EFCAB6: variants seen among roughly 807,000 people sequenced by gnomAD.
EFCAB6 encodes EF-hand calcium binding domain 6.
Under a neutral mutation model 169.8 loss-of-function variants are expected in EFCAB6, and 156 were observed. That is an observed-to-expected ratio of 0.92 (90% CI 0.81 to 1.05). The LOEUF (loss-of-function observed/expected upper bound fraction) is 1.05, where lower values mean the gene tolerates loss of function less well. Ranked by LOEUF, EFCAB6 falls within the 50% of genes least tolerant of loss-of-function variation. The pLI is 0.00. For missense variants in EFCAB6, 1,800 were observed against 1,829.1 expected, an observed-to-expected ratio of 0.98 and a Z score of 0.29; for synonymous variants, 698 against 676.4, an observed-to-expected ratio of 1.03 and a Z score of -0.50.
At chr22:43,682,112 T>C (rs915012519) in intron 12 of EFCAB6, among the ~76,000 whole-genome samples, 1 of 152,092 alleles carries the variant, frequency 6.6e-6, no homozygotes, top group Non-Finnish European at 1.5e-5. Context: ...TTATTCTCCT[T>C]CTTACCTAGT....
chr22:43,568,150 A>G (rs1047635750), intron 26 of EFCAB6, among the ~76,000 whole-genome samples: 3 of 152,198 alleles, frequency 2.0e-5, no homozygotes, highest in Admixed American at 2.0e-4. Context: ...CACAAGCCTG[A>G]ACCCCAGGGC....
intron 8 of EFCAB6, among the ~76,000 whole-genome samples, chr22:43,727,990 C>T (rs6006536): frequency 0.38 from 57,541 of 151,702 alleles, 11,734 homozygotes; most frequent in African/African-American, 0.51. Context: ...TGGTTTGCTG[C>T]ACCCATCAAC....
chr22:43,651,627 G>T (rs1322366914), intron 17 of EFCAB6, among the ~76,000 whole-genome samples: 1 of 152,202 alleles, frequency 6.6e-6, no homozygotes, highest in Non-Finnish European at 1.5e-5. Flanking sequence ...TCCACTGAAA[G>T]CTTGGACCAT....
chr22:43,534,783 C>A lies in EFCAB6; in HGVS notation c.4138G>T (p.Ala1380Ser), dbSNP rs1244881121. The A allele has an allele frequency of 1.2e-6, 2 of 1,614,050 alleles. No homozygotes were observed. The highest frequency in any genetic ancestry group is 1.7e-6 in the Non-Finnish European group (2 of 1,180,004). ...CAGCTCTGAATGAAGTCACAGTATG[C>A]AAATTTCCCGTTGCTCTTTAAGTCG... ...KYDLKSNGKFAYCDFIQSCVL... is the reference protein window; with the variant it reads ...KYDLKSNGKFSYCDFIQSCVL... Residue 1380 changes from alanine (A) to serine (S), a missense_variant, in exon 30 of 32, where the codon GCA becomes TCA. Transcript: ENST00000262726.
intron 24 of EFCAB6, among the ~76,000 whole-genome samples, chr22:43,581,447 A>G (rs1232910324): frequency 6.6e-6 from 1 of 152,186 alleles, no homozygotes; most frequent in Admixed American, 6.5e-5. Context: ...CATCTCCTTG[A>G]CTCTGACACA....
rs966884468 is a variant in EFCAB6, at chr22:43,576,420, C to A, written c.3297G>T (p.Lys1099Asn). 1 of 1,603,616 alleles carries A rather than the reference C, an allele frequency of 6.2e-7. No homozygotes were observed. The highest frequency in any genetic ancestry group is 8.5e-7 in the Non-Finnish European group (1 of 1,176,928). The change falls in exon 26 of 32, where the codon AAG becomes AAT. Residue 1099 changes from lysine (K) to asparagine (N), a missense_variant. Coordinates refer to ENST00000262726, the MANE Select transcript of EFCAB6 (RefSeq NM_022785.4). ...TGTCCGTTAGTTTGTAACAGAAATC[C>A]TTAAGAACTTGTCCGAATTCTGTAG... ...VKATEFGQVL[K>N]DFCYKLTDNQ... is the part of the protein sequence containing the mutation.
chr22:43,602,872 C>T (rs571677503), intron 22 of EFCAB6, among the ~76,000 whole-genome samples: 45 of 152,126 alleles, frequency 3.0e-4, no homozygotes, highest in Non-Finnish European at 2.8e-4. Flanking sequence ...TTGGCATTTG[C>T]TACTGCTCTA....
At chr22:43,576,835 C>A (rs2050288586) in intron 25 of EFCAB6, among the ~76,000 whole-genome samples, 3 of 152,214 alleles carry the variant, frequency 2.0e-5, no homozygotes, top group Admixed American at 1.3e-4. Flanking sequence ...CAGAGCAGAG[C>A]AGAGAGTAAC....
chr22:43,667,021 G>T, intron 17 of EFCAB6, 83 bp downstream of exon 17: 1 of 1,467,788 alleles, frequency 6.8e-7, no homozygotes, highest in African/African-American at 1.4e-5. Flanking sequence ...CCTGGGATAA[G>T]CCATTGTCCT....
At chr22:43,678,222 GTGT>G (rs1341792964) in intron 12 of EFCAB6, 59 bp from the exon 13 acceptor site, 46 of 1,504,732 alleles carry the variant, frequency 3.1e-5, no homozygotes, top group Non-Finnish European at 4.1e-5. Flanking sequence ...GGAAGAAAAA[GTGT>G]TATGTATGTT....
chr22:43,731,191 T>C (rs1238275713), intron 8 of EFCAB6, among the ~76,000 whole-genome samples: 1 of 152,214 alleles, frequency 6.6e-6, no homozygotes. Context: ...GAGTAAAGAC[T>C]GTTCGCACGA....
rs369347276 is a variant in EFCAB6, at chr22:43,595,046, TAAG to T, written c.2877-4820_2877-4818del. On this transcript the variant is annotated intron_variant, in intron 23 of 31. Coordinates refer to ENST00000262726, the MANE Select transcript of EFCAB6 (RefSeq NM_022785.4). The stretch of plus-strand genomic sequence containing the variant: ...AATGACCACTCATCAATGAAGAAAT[TAAG>T]AAGAAGATTAAAAATGTATTGAAGC... 2.5e-3 allele frequency among the ~76,000 whole-genome samples: 382 copies of T among 151,808 alleles called. 2 individuals carry two copies. Among genetic ancestry groups the T allele is most frequent in the African/African-American group, 8.2e-3 (339 of 41,396 alleles).
chr22:43,603,635 T>C (rs551754021), intron 22 of EFCAB6, among the ~76,000 whole-genome samples: 1 of 152,382 alleles, frequency 6.6e-6, no homozygotes, highest in African/African-American at 2.4e-5. Context: ...ATTTCAGAAG[T>C]ATCTTCAAAT....
At chr22:43,697,388 A>C (rs988907971) in intron 10 of EFCAB6, among the ~76,000 whole-genome samples, 1 of 152,236 alleles carries the variant, frequency 6.6e-6, no homozygotes, top group African/African-American at 2.4e-5. Flanking sequence ...TATGGTCTCA[A>C]CTATGTTAAG....
At chr22:43,651,665 T>A (rs886221534) in intron 17 of EFCAB6, among the ~76,000 whole-genome samples, 1 of 152,192 alleles carries the variant, frequency 6.6e-6, no homozygotes, top group African/African-American at 2.4e-5. Flanking sequence ...AGACACTCAA[T>A]GTCAGCCCAT....
rs1407240802 is a variant in EFCAB6, at chr22:43,628,009, C to T, written c.2233-1330G>A. Among the ~76,000 whole-genome samples the T allele has an allele frequency of 1.3e-5, 2 of 152,144 alleles. No individual in the cohort carries two copies. The highest frequency in any genetic ancestry group is 2.9e-5 in the Non-Finnish European group (2 of 68,024). ...AGGGAGGCTGATGTCTAACTCTGCC[C>T]GAGGGGGCCTCCTGGGGTGCAGGCC... On this transcript the variant is annotated intron_variant, in intron 19 of 31. Transcript: ENST00000262726. The surrounding 1 kb of genome is among the most constrained non-coding windows in gnomAD (Gnocchi z 4.8).
At chr22:43,529,120 A>C (rs2046910056) in intron 31 of EFCAB6, 145 bp from the exon 32 acceptor site, 5 of 962,290 alleles carry the variant, frequency 5.2e-6, no homozygotes, top group African/African-American at 3.3e-5. Flanking sequence ...CGCTCTCTCT[A>C]TGCCCTCTCA....
chr22:43,558,211 G>A (rs577493232), intron 26 of EFCAB6, among the ~76,000 whole-genome samples: 2 of 152,252 alleles, frequency 1.3e-5, no homozygotes, highest in African/African-American at 4.8e-5. Context: ...TGACTGTATA[G>A]GTAGAAAATC....
chr22:43,682,594 A>G (rs1027589249), intron 12 of EFCAB6, among the ~76,000 whole-genome samples: 1 of 152,168 alleles, frequency 6.6e-6, no homozygotes, highest in African/African-American at 2.4e-5. Flanking sequence ...CCAGTGCTGG[A>G]GTGTGGCTGC....
Sources: allele counts gnomAD v4.1 joint callset (sites outside exome capture counted in the v4.1 genomes callset), GRCh38; gene constraint gnomAD v4.1.1; non-coding constraint Gnocchi (gnomAD v3.1); transcripts MANE v1.5; gene names NCBI Gene and HGNC (gene_info 2026-07-23, HGNC 2026-07-21).